TET2: variants seen among roughly 807,000 people sequenced by gnomAD.
The protein encoded by TET2 is methylcytosine dioxygenase TET2.
In TET2, 299 loss-of-function variants were observed where a neutral mutation model predicts 142.9. The ratio of observed to expected loss-of-function variants is 2.09; its 90% confidence interval spans 1.90 to 2.30. The LOEUF (loss-of-function observed/expected upper bound fraction) is 2.30. Ranked by LOEUF, TET2 falls within the 30% of genes most tolerant of loss-of-function variation. The pLI, the probability that TET2 is intolerant of heterozygous loss-of-function variation, is 0.00. For missense variants in TET2, 2,418 were observed against 2,378.0 expected (o/e 1.02, Z -0.35); for synonymous variants, 819 against 849.0 (o/e 0.96, Z 0.61).
intron 8 of TET2, among the ~76,000 whole-genome samples, chr4:105,265,735 A>C (rs971144468): frequency 6.6e-6 from 1 of 152,218 alleles, no homozygotes; most frequent in Non-Finnish European, 1.5e-5. Flanking sequence ...ATGCCGTTAC[A>C]CATTTAAGAA....
chr4:105,220,195 A>G (rs1727734659), intron 2 of TET2, among the ~76,000 whole-genome samples: 2 of 152,176 alleles, frequency 1.3e-5, no homozygotes, highest in African/African-American at 2.4e-5. Flanking sequence ...AAGTTCTTAT[A>G]TATTATTAGA....
At chr4:105,220,327 A>C (rs987756367) in intron 2 of TET2, among the ~76,000 whole-genome samples, 4 of 152,084 alleles carry the variant, frequency 2.6e-5, no homozygotes, top group African/African-American at 9.7e-5. Flanking sequence ...CCTTCACCCC[A>C]TTCAGCCATT....
At chr4:105,188,584 A>C (rs1206697014) in intron 1 of TET2, among the ~76,000 whole-genome samples, 1 of 152,236 alleles carries the variant, frequency 6.6e-6, no homozygotes, top group African/African-American at 2.4e-5. Flanking sequence ...AGCATTATTT[A>C]TGAGGCTAAA....
intron 8 of TET2, among the ~76,000 whole-genome samples, chr4:105,263,167 C>T (rs1323752832): frequency 6.6e-6 from 1 of 151,976 alleles, no homozygotes; most frequent in Non-Finnish European, 1.5e-5. Flanking sequence ...AAAACAAAAC[C>T]CAAAAGTAGA....
intron 3 of TET2, 95 bp downstream of exon 3, chr4:105,237,446 G>A: frequency 6.2e-7 from 1 of 1,612,890 alleles, no homozygotes; most frequent in South Asian, 1.1e-5. Flanking sequence ...TTTAAATCTT[G>A]AGTCTGGCAG....
chr4:105,234,606 C>T lies in TET2; in HGVS notation c.664C>T (p.His222Tyr), dbSNP rs1374430070. 2 of 1,613,950 alleles carry T rather than the reference C, an allele frequency of 1.2e-6. No individual in the cohort carries two copies. The highest frequency in any genetic ancestry group is 1.7e-6 in the Non-Finnish European group (2 of 1,179,980). The part of the protein sequence containing the change: ...TVSASSVEHT[H>Y]GELLEKTLSQ... ...TTCTGCCTCTTCCGTGGAACACACA[C>T]ATGGTGAACTCCTGGAAAAAACACT... Residue 222 changes from histidine to tyrosine, a missense_variant, in exon 3 of 11, where the codon CAT becomes TAT. By Grantham distance (83) the His-to-Tyr change is moderately conservative (BLOSUM62 2). Transcript: ENST00000380013.
In TET2 at chr4:105,276,208, G is replaced by A. The variant is rs1731215469; in HGVS notation, c.5698G>A (p.Val1900Ile). 6.4e-7 allele frequency: 1 copy of A among 1,551,568 alleles called. No individual in the cohort carries two copies. The highest frequency in any genetic ancestry group is 8.7e-7 in the Non-Finnish European group (1 of 1,146,956). ...NRNHPTRISL[V>I]FYQHKSMNEP... ...GAATCACCCCACCAGGATCTCCCTC[G>A]TCTTTTACCAGCATAAGAGCATGAA... The change falls in exon 11 of 11, where the codon GTC (valine) becomes ATC (isoleucine). Residue 1900 changes from valine to isoleucine, a missense_variant. Val to Ile is a conservative substitution (Grantham distance 29, BLOSUM62 3). Coordinates refer to ENST00000380013, the MANE Select transcript of TET2 (RefSeq NM_001127208.3).
chr4:105,235,278 T>A lies in TET2; in HGVS notation c.1336T>A (p.Leu446Ile). 2.5e-6 allele frequency: 4 copies of A among 1,613,976 alleles called. No individual in the cohort carries two copies. Among genetic ancestry groups the A allele is most frequent in the Non-Finnish European group, 3.4e-6 (4 of 1,179,966 alleles). ...HYPNQSNTTL[L>I]REVKIEGKPE... ...CCCCAACCAAAGTAACACAACACTTTTAAGGGAAGTGAAAATAGAGGGTAA... is the reference window on the plus strand; with the variant it reads ...CCCCAACCAAAGTAACACAACACTTATAAGGGAAGTGAAAATAGAGGGTAA... The change falls in exon 3 of 11, where the codon TTA (leucine) becomes ATA (isoleucine). Residue 446 changes from leucine (L) to isoleucine (I), a missense_variant. Leu to Ile is a conservative substitution (Grantham distance 5, BLOSUM62 2). Coordinates refer to ENST00000380013, the MANE Select transcript of TET2 (RefSeq NM_001127208.3).
Position 105,237,131 on chromosome 4 carries a change from A to G in TET2, c.3189A>G (p.Thr1063=), listed in dbSNP as rs1333156978. Residue 1063 remains threonine, a synonymous_variant, in exon 3 of 11, where the codon ACA becomes ACG. Transcript: ENST00000380013. ...AAGTTGAAATGTCAGGGCCAGTCAC[A>G]GTTTTGACTAGACAAACCACTGCTG... ...QVKVEMSGPV[T]VLTRQTTAAE... is the part of the protein sequence containing the mutation. 1 of 1,614,172 alleles carries G rather than the reference A, an allele frequency of 6.2e-7. No homozygotes were observed. Among genetic ancestry groups the G allele is most frequent in the South Asian group, 1.1e-5 (1 of 91,084 alleles).
chr4:105,214,703 C>A (rs938438664), intron 2 of TET2, among the ~76,000 whole-genome samples: 4 of 151,960 alleles, frequency 2.6e-5, no homozygotes, highest in African/African-American at 9.7e-5. Context: ...TCCATAAAAA[C>A]TCAGGAGGAT....
Position 105,269,662 on chromosome 4 carries a change from G to A in TET2, c.4097G>A (p.Arg1366His), listed in dbSNP as rs534309433. The A allele has an allele frequency of 1.2e-5, 18 of 1,551,558 alleles. No individual in the cohort carries two copies. The highest frequency in any genetic ancestry group is 2.0e-5 in the Admixed American group (1 of 51,002). The change falls in exon 9 of 11, where the codon CGT (arginine) becomes CAT (histidine). Residue 1366 changes from arginine (R) to histidine (H), a missense_variant. Arg to His is a conservative substitution (Grantham distance 29). Transcript: ENST00000380013. ...PECRLGLKEG[R>H]PFSGVTACLD... ...TGCCGTCTGGGTCTGAAGGAAGGCC[G>A]TCCATTCTCAGGGGTCACTGCATGT...
intron 2 of TET2, among the ~76,000 whole-genome samples, chr4:105,217,172 A>G (rs1457642138): frequency 6.6e-6 from 1 of 152,012 alleles, no homozygotes; most frequent in Non-Finnish European, 1.5e-5. Flanking sequence ...TCAAAGGCAT[A>G]ACTTGGATGG....
At chr4:105,199,500 T>C (rs919227152) in intron 2 of TET2, among the ~76,000 whole-genome samples, 2 of 152,324 alleles carry the variant, frequency 1.3e-5, no homozygotes, top group Non-Finnish European at 2.9e-5. Flanking sequence ...TTAAGGAAAT[T>C]TATGGAAATC....
At chr4:105,217,045 TTC>T (rs1287700016) in intron 2 of TET2, among the ~76,000 whole-genome samples, 4 of 152,082 alleles carry the variant, frequency 2.6e-5, no homozygotes, top group Non-Finnish European at 1.5e-5. Context: ...TTTTTGTGTG[TTC>T]TTTCTTTGTT....
chr4:105,253,530 A>C (rs1729973625), intron 6 of TET2, among the ~76,000 whole-genome samples: 1 of 150,410 alleles, frequency 6.6e-6, no homozygotes, highest in Non-Finnish European at 1.5e-5. Context: ...CATGTTATAT[A>C]ATCACTTTAG....
rs765517582 is a variant in TET2, at chr4:105,235,739, A to G, written c.1797A>G (p.Gln599=). ...AGTATCAACCCAATCTCTCCAATCA[A>G]ATGACCTCCAAACAATACACTGGAA... is the stretch of plus-strand genomic sequence containing the variant. The part of the protein sequence containing the change: ...ILQYQPNLSN[Q]MTSKQYTGNS... The change falls in exon 3 of 11, where the codon CAA becomes CAG. Residue 599 remains glutamine, a synonymous_variant. Coordinates refer to ENST00000380013, the MANE Select transcript of TET2 (RefSeq NM_001127208.3). 8 of 1,614,032 alleles carry G rather than the reference A, an allele frequency of 5.0e-6. No individual in the cohort carries two copies. In the African/African-American group the frequency reaches 5.3e-5, roughly 11 times the overall value.
At chr4:105,152,206 G>T (rs949415256) in intron 1 of TET2, among the ~76,000 whole-genome samples, 4 of 152,112 alleles carry the variant, frequency 2.6e-5, no homozygotes, top group African/African-American at 9.7e-5. Context: ...GAACCCTCCC[G>T]GGAGGCAGAG....
intron 8 of TET2, among the ~76,000 whole-genome samples, chr4:105,267,539 T>TAAAAAAAAAAAAAAAAAAAAAAAAAAAAA (rs35668673): frequency 7.8e-6 from 1 of 127,622 alleles, no homozygotes; most frequent in Non-Finnish European, 1.7e-5. Context: ...CTTAAACCAC[T>TAAAAAAAAAAAAAAAAAAAAAAAAAAAAA]AAAAAAAAAA....
chr4:105,157,532 A>G (rs983126407), intron 1 of TET2, among the ~76,000 whole-genome samples: 4 of 152,204 alleles, frequency 2.6e-5, no homozygotes. Flanking sequence ...GCTTGTGGAA[A>G]AACACTGGCA....
Sources: allele counts gnomAD v4.1 joint callset (sites outside exome capture counted in the v4.1 genomes callset), GRCh38; gene constraint gnomAD v4.1.1; transcripts MANE v1.5; gene names NCBI Gene and HGNC (gene_info 2026-07-23, HGNC 2026-07-21).